Variants in MGA observed in about 807,000 individuals in gnomAD.
The protein encoded by MGA is MAX gene-associated protein.
In MGA, 40 loss-of-function variants were observed where a neutral mutation model predicts 261.1. The observed-to-expected ratio is 0.15, with a 90% confidence interval of 0.12 to 0.20. The LOEUF (loss-of-function observed/expected upper bound fraction) is 0.20, where lower values mean the gene tolerates loss of function less well. Ranked by LOEUF, MGA falls within the 10% of genes least tolerant of loss-of-function variation. MGA has a pLI of 1.00. For missense variants in MGA, 3,397 were observed against 3,630.5 expected (o/e 0.94, Z 1.65); for synonymous variants, 1,302 against 1,290.6 (o/e 1.01, Z -0.19).
chr15:41,707,852 C>T lies in MGA; in HGVS notation c.2313C>T (p.Ala771=), dbSNP rs2060197598. Residue 771 remains alanine, a synonymous_variant, in exon 6 of 24, where the codon GCC becomes GCT. Transcript: ENST00000219905. ...GGAACCTTACAGGAACCAACCCTGC[C>T]TCTCCTGGTGAGTATGTAACATTTG... 6.2e-7 allele frequency: 1 copy of T among 1,612,718 alleles called. No individual in the cohort carries two copies. The highest frequency in any genetic ancestry group is 1.1e-5 in the South Asian group (1 of 90,704).
At position 41,682,841 on chromosome 15, in the gene MGA, G is replaced by A. The variant is rs534839302; in HGVS notation, c.1064+12883G>A. ...GTCTTTACTGGTTTGTGTTGTTTTT[G>A]TTGTTTTGTGAAGTTCATTTTTCAG... On this transcript the variant is annotated intron_variant, in intron 2 of 23. Coordinates refer to ENST00000219905, the MANE Select transcript of MGA (RefSeq NM_001164273.2). 1.1e-3 allele frequency among the ~76,000 whole-genome samples: 163 copies of A among 152,180 alleles called. 1 individual carries two copies. Among genetic ancestry groups the A allele is most frequent in the African/African-American group, 3.7e-3 (153 of 41,522 alleles).
intron 18 of MGA, among the ~76,000 whole-genome samples, chr15:41,755,744 C>T (rs374196639): frequency 2.6e-5 from 4 of 152,160 alleles, no homozygotes; most frequent in Admixed American, 2.6e-4. Context: ...TTAGGCTGGG[C>T]GTGGTGGCTC....
chr15:41,664,090 A>G (rs943891763), intron 1 of MGA, among the ~76,000 whole-genome samples: 3 of 152,214 alleles, frequency 2.0e-5, no homozygotes, highest in African/African-American at 4.8e-5. Context: ...CTTTAATTCA[A>G]TGCATTTTCA....
chr15:41,718,433 C>T, intron 9 of MGA: 1 of 1,262,448 alleles, frequency 7.9e-7, no homozygotes, highest in Non-Finnish European at 1.1e-6. Context: ...GCAGGTAGCC[C>T]TGGAGCTGAG....
chr15:41,699,000 A>G (rs1266943971), intron 4 of MGA, 59 bp downstream of exon 4: 14 of 1,545,254 alleles, frequency 9.1e-6, no homozygotes, highest in Admixed American at 5.7e-5. Context: ...GCAATGAAAC[A>G]TGCAACATTC....
intron 21 of MGA, 25 bp from the exon 22 acceptor site, chr15:41,762,104 G>A: frequency 6.4e-7 from 1 of 1,550,446 alleles, no homozygotes; most frequent in Non-Finnish European, 8.9e-7. Flanking sequence ...TGCTGAAAGT[G>A]CTAATGTATT....
At chr15:41,667,412 A>G (rs1473983140) in intron 1 of MGA, among the ~76,000 whole-genome samples, 4 of 151,836 alleles carry the variant, frequency 2.6e-5, no homozygotes, top group African/African-American at 7.3e-5. Flanking sequence ...TGCCTAGCTA[A>G]TTTTTTTATT....
At chr15:41,735,977 C>T (rs1373261830) in intron 12 of MGA, among the ~76,000 whole-genome samples, 1 of 152,138 alleles carries the variant, frequency 6.6e-6, no homozygotes, top group African/African-American at 2.4e-5. Flanking sequence ...GCCCAGTCAG[C>T]AGGATAATGA....
chr15:41,712,634 A>G (rs1472496790), intron 8 of MGA, among the ~76,000 whole-genome samples: 2 of 152,200 alleles, frequency 1.3e-5, no homozygotes, highest in African/African-American at 2.4e-5. Flanking sequence ...AATCCTTCAT[A>G]AAGACTTTTA....
In MGA at chr15:41,711,125, T is replaced by A; in HGVS notation, c.2860T>A (p.Phe954Ile). The change falls in exon 8 of 24, where the codon TTT (phenylalanine) becomes ATT (isoleucine). Residue 954 changes from phenylalanine (F) to isoleucine (I), a missense_variant. Transcript: ENST00000219905. Reference sequence around the variant, plus strand: ...CATCTCAGAAAATCAGGCGAATAACTTTGTTGTGCCAACTTTGGATGAAAA... The same window carrying A: ...CATCTCAGAAAATCAGGCGAATAACATTGTTGTGCCAACTTTGGATGAAAA... 1 of 1,614,058 alleles carries A rather than the reference T, an allele frequency of 6.2e-7. No individual in the cohort carries two copies. Among genetic ancestry groups the A allele is most frequent in the Non-Finnish European group, 8.5e-7 (1 of 1,179,900 alleles).
intron 2 of MGA, among the ~76,000 whole-genome samples, chr15:41,671,279 G>A (rs2058044355): frequency 1.3e-5 from 2 of 152,172 alleles, no homozygotes; most frequent in South Asian, 4.1e-4. Flanking sequence ...TTTGACTATT[G>A]TGAATGATGC....
At chr15:41,698,585 T>A (rs1473580364) in intron 3 of MGA, among the ~76,000 whole-genome samples, 1 of 152,210 alleles carries the variant, frequency 6.6e-6, no homozygotes, top group Non-Finnish European at 1.5e-5. Flanking sequence ...AACATGCAAA[T>A]TGGCGTATAC....
At chr15:41,690,822 T>G (rs1183679030) in intron 2 of MGA, among the ~76,000 whole-genome samples, 1 of 152,170 alleles carries the variant, frequency 6.6e-6, no homozygotes, top group Non-Finnish European at 1.5e-5. Context: ...GAGGTTGCAG[T>G]GAGGTATGAT....
chr15:41,732,838 C>T (rs1422334049), intron 11 of MGA, among the ~76,000 whole-genome samples: 1 of 152,218 alleles, frequency 6.6e-6, no homozygotes, highest in East Asian at 1.9e-4. Context: ...CAACAGTGTT[C>T]TGGGTCAAAG....
chr15:41,629,917 T>C (rs1407301045), intron 1 of MGA, among the ~76,000 whole-genome samples: 1 of 152,190 alleles, frequency 6.6e-6, no homozygotes, highest in African/African-American at 2.4e-5. Context: ...AGTATAACAC[T>C]GAATAATGCC....
intron 1 of MGA, among the ~76,000 whole-genome samples, chr15:41,653,227 G>A (rs768867605): frequency 6.6e-6 from 1 of 151,928 alleles, no homozygotes; most frequent in East Asian, 1.9e-4. Flanking sequence ...AAATTAGCAG[G>A]GTGTGGTGGT....
chr15:41,744,918 G>A (rs916606102), intron 15 of MGA, among the ~76,000 whole-genome samples: 2 of 152,108 alleles, frequency 1.3e-5, no homozygotes, highest in Non-Finnish European at 2.9e-5. Context: ...TCGCTCTGTT[G>A]CCCAGGCTGG....
intron 1 of MGA, among the ~76,000 whole-genome samples, chr15:41,631,312 TG>T (rs1385507144): frequency 6.6e-6 from 1 of 152,208 alleles, no homozygotes; most frequent in East Asian, 1.9e-4. Context: ...TTGTTTGATA[TG>T]ATAAAAGCCA....
chr15:41,630,089 C>T (rs1357221687), intron 1 of MGA, among the ~76,000 whole-genome samples: 1 of 152,160 alleles, frequency 6.6e-6, no homozygotes. Flanking sequence ...TCTGAGTACT[C>T]TACATCATCT....
Sources: allele counts gnomAD v4.1 joint callset (sites outside exome capture counted in the v4.1 genomes callset), GRCh38; gene constraint gnomAD v4.1.1; transcripts MANE v1.5; gene names NCBI Gene and HGNC (gene_info 2026-07-23, HGNC 2026-07-21).